Variants in BNC2 observed in about 807,000 individuals in gnomAD.
The protein encoded by BNC2 is zinc finger protein basonuclin-2.
A neutral mutation model predicts 76.3 loss-of-function variants in BNC2; 20 were observed. The ratio of observed to expected loss-of-function variants is 0.26; its 90% confidence interval spans 0.18 to 0.38. The LOEUF (loss-of-function observed/expected upper bound fraction) is 0.38. Ranked by LOEUF, BNC2 falls within the 10% of genes least tolerant of loss-of-function variation. The pLI is 1.00. For missense variants in BNC2, 1,382 were observed against 1,399.8 expected, an observed-to-expected ratio of 0.99 and a Z score of 0.20; for synonymous variants, 582 against 514.8, an observed-to-expected ratio of 1.13 and a Z score of -1.77.
At chr9:16,662,504 G>C (rs1357714145) in intron 3 of BNC2, among the ~76,000 whole-genome samples, 1 of 152,206 alleles carries the variant, frequency 6.6e-6, no homozygotes, top group Non-Finnish European at 1.5e-5. Context: ...GGGAGACCAA[G>C]GCAGGTGCAT....
intron 2 of BNC2, among the ~76,000 whole-genome samples, chr9:16,733,359 T>C (rs911109670): frequency 3.3e-5 from 5 of 152,178 alleles, no homozygotes; most frequent in African/African-American, 9.7e-5. Context: ...AAAGTTTCAT[T>C]TTCTATGTGA....
At chr9:16,628,886 T>C (rs1404606769) in intron 3 of BNC2, among the ~76,000 whole-genome samples, 1 of 152,160 alleles carries the variant, frequency 6.6e-6, no homozygotes, top group Non-Finnish European at 1.5e-5. Context: ...TAAGTGGAAA[T>C]AGTAGGATTT....
intron 3 of BNC2, among the ~76,000 whole-genome samples, chr9:16,664,642 T>G (rs1822211994): frequency 6.6e-6 from 1 of 150,650 alleles, no homozygotes; most frequent in East Asian, 2.0e-4. Context: ...AATGACAGAT[T>G]CATAAAAATG....
chr9:16,741,957 C>CAAAAAA (rs35573018), intron 1 of BNC2, among the ~76,000 whole-genome samples: 19 of 79,370 alleles, frequency 2.4e-4, no homozygotes, highest in Admixed American at 7.1e-4. Context: ...GGCTCCATCT[C>CAAAAAA]AAAAAAAAAA....
chr9:16,635,866 C>G (rs1182789787), intron 3 of BNC2, among the ~76,000 whole-genome samples: 1 of 152,142 alleles, frequency 6.6e-6, no homozygotes, highest in East Asian at 1.9e-4. Context: ...ACCTAACAAA[C>G]AATACATCCC....
intron 3 of BNC2, among the ~76,000 whole-genome samples, chr9:16,615,720 G>A (rs1223017709): frequency 3.9e-5 from 6 of 152,072 alleles, no homozygotes; most frequent in African/African-American, 1.4e-4. Context: ...AAATAAATTT[G>A]TATGCTTTTC....
intron 5 of BNC2, among the ~76,000 whole-genome samples, chr9:16,520,339 G>A (rs1453858930): frequency 1.3e-5 from 2 of 152,122 alleles, no homozygotes; most frequent in African/African-American, 2.4e-5. Context: ...AGGGAGAGAA[G>A]CAAGAGAGAA....
intron 1 of BNC2, among the ~76,000 whole-genome samples, chr9:16,833,851 C>A (rs965158666): frequency 6.6e-6 from 1 of 152,110 alleles, no homozygotes; most frequent in Non-Finnish European, 1.5e-5. Flanking sequence ...CCTTCCTTCC[C>A]TTCAGTCTGA....
intron 5 of BNC2, among the ~76,000 whole-genome samples, chr9:16,471,838 T>G (rs564337441): frequency 6.6e-6 from 1 of 152,188 alleles, no homozygotes; most frequent in Non-Finnish European, 1.5e-5. Flanking sequence ...AATTCCCACA[T>G]GTTGTAGGAG....
chr9:16,634,001 T>C (rs1012443168), intron 3 of BNC2, among the ~76,000 whole-genome samples: 2 of 152,224 alleles, frequency 1.3e-5, no homozygotes, highest in Admixed American at 6.6e-5. Context: ...GTGCTGACAC[T>C]GTTTATTAAA....
chr9:16,699,873 C>T (rs912746665), intron 3 of BNC2, among the ~76,000 whole-genome samples: 7 of 152,128 alleles, frequency 4.6e-5, no homozygotes, highest in African/African-American at 1.7e-4. Flanking sequence ...TACATAAATT[C>T]CCAATGTAAA....
chr9:16,617,498 G>A (rs562461773), intron 3 of BNC2, among the ~76,000 whole-genome samples: 11 of 146,624 alleles, frequency 7.5e-5, no homozygotes, highest in African/African-American at 2.8e-4. Context: ...TGTAGAGCCA[G>A]CTCCTCCAAA....
chr9:16,819,055 G>C (rs1818252111), intron 1 of BNC2, among the ~76,000 whole-genome samples: 1 of 152,082 alleles, frequency 6.6e-6, no homozygotes, highest in African/African-American at 2.4e-5. Flanking sequence ...GTGAACAAAA[G>C]AGGGACATTG....
At chr9:16,791,459 A>C (rs181587783) in intron 1 of BNC2, among the ~76,000 whole-genome samples, 245 of 152,238 alleles carry the variant, frequency 1.6e-3, no homozygotes, top group Admixed American at 1.6e-3. Context: ...GTGTATATTA[A>C]AATCATGCAA....
chr9:16,651,225 T>C (rs1304941628), intron 3 of BNC2, among the ~76,000 whole-genome samples: 1 of 152,238 alleles, frequency 6.6e-6, no homozygotes, highest in Admixed American at 6.5e-5. Flanking sequence ...TTCCAAGCTA[T>C]CAGGTAGATA....
chr9:16,456,600 C>A (rs1478086262), intron 5 of BNC2, among the ~76,000 whole-genome samples: 1 of 151,946 alleles, frequency 6.6e-6, no homozygotes. Flanking sequence ...TGGTGGCCAG[C>A]AGCCACTCCT....
At chr9:16,843,304 T>G (rs1818880232) in intron 1 of BNC2, among the ~76,000 whole-genome samples, 1 of 152,186 alleles carries the variant, frequency 6.6e-6, no homozygotes, top group African/African-American at 2.4e-5. Flanking sequence ...TCATTTATGG[T>G]CGTTCGAAAG....
At chr9:16,774,453 C>T (rs901788407) in intron 1 of BNC2, among the ~76,000 whole-genome samples, 2 of 152,216 alleles carry the variant, frequency 1.3e-5, no homozygotes, top group South Asian at 4.1e-4. Flanking sequence ...CTCAACCTTA[C>T]ATTCTATCAG....
chr9:16,518,853 G>A (rs529327599), intron 5 of BNC2, among the ~76,000 whole-genome samples: 15 of 152,148 alleles, frequency 9.9e-5, no homozygotes, highest in South Asian at 8.3e-4. Context: ...CACCTGCCTC[G>A]GCCTCCCCAA....
Sources: allele counts gnomAD v4.1 joint callset (sites outside exome capture counted in the v4.1 genomes callset), GRCh38; gene constraint gnomAD v4.1.1; transcripts MANE v1.5; gene names NCBI Gene and HGNC (gene_info 2026-07-23, HGNC 2026-07-21).